ZNF536: variants seen among roughly 807,000 people sequenced by gnomAD.
ZNF536 encodes zinc finger protein 536.
Under a neutral mutation model 84.5 loss-of-function variants are expected in ZNF536, and 13 were observed. The ratio of observed to expected loss-of-function variants is 0.15; its 90% CI spans 0.10 to 0.24. The LOEUF is 0.24. ZNF536 is among the 10% of genes least tolerant of loss of function. The pLI is 1.00. For missense variants in ZNF536, 1,536 were observed against 1,747.5 expected (o/e 0.88, Z 2.16); for synonymous variants, 811 against 742.5 (o/e 1.09, Z -1.50).
At chr19:30,246,814 AG>A (rs2024306715) in intron 1 of ZNF536, among the ~76,000 whole-genome samples, 1 of 152,242 alleles carries the variant, frequency 6.6e-6, no homozygotes, top group African/African-American at 2.4e-5. Flanking sequence ...TGAGTAAAAA[AG>A]TCGACTCATT....
chr19:30,668,855 C>A (rs1285017043), intron 1 of ZNF536, among the ~76,000 whole-genome samples: 1 of 152,164 alleles, frequency 6.6e-6, no homozygotes, highest in Non-Finnish European at 1.5e-5. Flanking sequence ...CCTGTGTGCC[C>A]AAGCCTGGTT....
chr19:30,536,029 C>G (rs1246293718), intron 3 of ZNF536, among the ~76,000 whole-genome samples: 2 of 152,122 alleles, frequency 1.3e-5, no homozygotes, highest in Non-Finnish European at 2.9e-5. Context: ...GCACAGGAGG[C>G]CATGGGCCGA....
At chr19:30,483,387 A>G (rs1161810119) in intron 2 of ZNF536, among the ~76,000 whole-genome samples, 1 of 152,032 alleles carries the variant, frequency 6.6e-6, no homozygotes, top group African/African-American at 2.4e-5. Flanking sequence ...CAGGTGTCCC[A>G]TTGGCACCTC....
chr19:30,413,021 T>C (rs1201446742), intron 1 of ZNF536, among the ~76,000 whole-genome samples: 1 of 152,138 alleles, frequency 6.6e-6, no homozygotes, highest in Non-Finnish European at 1.5e-5. Context: ...AAAGTTGTTC[T>C]GTATTTTATC....
At chr19:30,455,485 T>C (rs1229500819) in intron 2 of ZNF536, among the ~76,000 whole-genome samples, 3 of 152,128 alleles carry the variant, frequency 2.0e-5, no homozygotes, top group African/African-American at 7.2e-5. Context: ...GCAGATCACT[T>C]GAACCCAGCA....
upstream of ZNF536, among the ~76,000 whole-genome samples, chr19:30,372,197 G>C (rs142772623): frequency 6.6e-6 from 1 of 152,344 alleles, no homozygotes; most frequent in African/African-American, 2.4e-5. Flanking sequence ...TCTGTACAGA[G>C]AGAGTGAAAA....
rs59889852 is a variant in ZNF536 at position 30,264,966 on chromosome 19, T to TGTGTGAGAGAGAGAGA, written c.-189-19105_-189-19104insTGTGAGAGAGAGAGAG. On this transcript the variant is annotated intron_variant, in intron 1 of 5. Coordinates refer to the ZNF536 transcript ENST00000585628. ...GTGTGTGTGTGTGTGTGTGTGTGTGTGAGAGAGAGAGAGAGAAAGAGAGAT... is the reference window on the plus strand; with the variant it reads ...GTGTGTGTGTGTGTGTGTGTGTGTGTGTGTGAGAGAGAGAGAGAGAGAGAGAGAGAGAAAGAGAGAT... 4.8e-4 allele frequency among the ~76,000 whole-genome samples: 64 copies of TGTGTGAGAGAGAGAGA among 133,852 alleles called. 1 individual carries two copies. The highest frequency in any genetic ancestry group is 8.4e-4 in the Non-Finnish European group (54 of 64,324). 87.8% of individuals were successfully genotyped at this position (133,852 alleles called of 152,430 possible).
At chr19:30,390,356 A>AAAGGAAGCCCAAGTGAG (rs1404799450) in intron 1 of ZNF536, among the ~76,000 whole-genome samples, 1 of 152,228 alleles carries the variant, frequency 6.6e-6, no homozygotes, top group African/African-American at 2.4e-5. Flanking sequence ...GATGAGAAGA[A>AAAGGAAGCCCAAGTGAG]AAGGAAGCCC....
At chr19:30,347,439 G>A (rs1449150228) in intron 2 of ZNF536, among the ~76,000 whole-genome samples, 1 of 152,206 alleles carries the variant, frequency 6.6e-6, no homozygotes, top group Admixed American at 6.5e-5. Context: ...CCCAGAGCCT[G>A]CAAGACAGAA....
chr19:30,473,848 T>G (rs1262696768), intron 2 of ZNF536, among the ~76,000 whole-genome samples: 1 of 152,200 alleles, frequency 6.6e-6, no homozygotes, highest in African/African-American at 2.4e-5. Flanking sequence ...GGATGAATGT[T>G]CGTGAAATCA....
rs1026135766 is a variant in ZNF536, at chr19:30,682,367, C to A, written c.170-28390C>A. ...TGAGATGTACCGTTCGAATTGGTTT[C>A]TCTCCCAGAATATACATTTGTGCTG... On this transcript the variant is annotated intron_variant, in intron 1 of 1. Coordinates refer to the ZNF536 transcript ENST00000592773. Among the ~76,000 whole-genome samples the A allele has an allele frequency of 4.6e-5, 7 of 152,172 alleles. No homozygotes were observed. In the South Asian group the frequency reaches 6.2e-4, roughly 14 times the overall value.
At chr19:30,539,073 G>A (rs2045212143) in intron 3 of ZNF536, among the ~76,000 whole-genome samples, 1 of 151,150 alleles carries the variant, frequency 6.6e-6, no homozygotes, top group African/African-American at 2.4e-5. Context: ...GAAAAGAAAA[G>A]GAAAGAAAGA....
intron 1 of ZNF536, among the ~76,000 whole-genome samples, chr19:30,677,046 G>A (rs919114276): frequency 6.6e-6 from 1 of 152,190 alleles, no homozygotes; most frequent in Non-Finnish European, 1.5e-5. Context: ...TGAAAGAAAT[G>A]GCGTGATGCC....
At chr19:30,259,444 A>G (rs2025080933) in intron 1 of ZNF536, among the ~76,000 whole-genome samples, 1 of 152,174 alleles carries the variant, frequency 6.6e-6, no homozygotes, top group African/African-American at 2.4e-5. Flanking sequence ...CTTGTTAGAA[A>G]TGCAAATCCC....
chr19:30,621,062 A>G (rs2048465197), intron 1 of ZNF536, among the ~76,000 whole-genome samples: 2 of 152,098 alleles, frequency 1.3e-5, no homozygotes, highest in Non-Finnish European at 2.9e-5. Context: ...AACTGCTCTG[A>G]TAGTCTTCTG....
rs6510079 is a variant in ZNF536 at position 30,267,458 on chromosome 19, C to A, written c.-189-16614C>A. On this transcript the variant is annotated intron_variant, in intron 1 of 5. Transcript: ENST00000585628. ...AAAGGAGGGGGACTCTTCTAGCACA[C>A]GCAGAATAAAGGAAAAATAGAGTGA... is the stretch of plus-strand genomic sequence containing the variant. Among the ~76,000 whole-genome samples the A allele has an allele frequency of 4.0e-5, 6 of 151,778 alleles. No individual in the cohort carries two copies. The South Asian group carries it at 1.0e-3, about 27-fold the overall frequency.
intron 2 of ZNF536, among the ~76,000 whole-genome samples, chr19:30,343,995 G>A (rs534763019): frequency 2.6e-5 from 4 of 152,118 alleles, no homozygotes; most frequent in African/African-American, 7.2e-5. Context: ...ATGGCCATGC[G>A]AAAGTGTCAG....
intron 2 of ZNF536, among the ~76,000 whole-genome samples, chr19:30,455,214 T>TA (rs962717367): frequency 1.3e-5 from 2 of 151,962 alleles, no homozygotes; most frequent in African/African-American, 2.4e-5. Context: ...AAATAAAAAA[T>TA]AAAAAAAATT....
intron 1 of ZNF536, among the ~76,000 whole-genome samples, chr19:30,691,692 A>C (rs1192077024): frequency 6.6e-6 from 1 of 152,136 alleles, no homozygotes; most frequent in Non-Finnish European, 1.5e-5. Context: ...TAAAACAGGC[A>C]ATCAAGCACA....
Sources: allele counts gnomAD v4.1 joint callset (sites outside exome capture counted in the v4.1 genomes callset), GRCh38; gene constraint gnomAD v4.1.1; transcripts MANE v1.5; gene names NCBI Gene and HGNC (gene_info 2026-07-23, HGNC 2026-07-21).